FRAS1: variants seen among roughly 807,000 people sequenced by gnomAD.
FRAS1 encodes the protein Fraser extracellular matrix complex subunit 1.
Under a neutral mutation model 435.2 loss-of-function variants are expected in FRAS1, and 290 were observed. The ratio of observed to expected loss-of-function variants is 0.67; its 90% CI spans 0.61 to 0.73. The LOEUF (loss-of-function observed/expected upper bound fraction) is 0.73, where lower values mean the gene tolerates loss of function less well. Among genes scored for constraint, FRAS1 ranks in the 30% least tolerant of loss-of-function variants. The pLI is 0.00. For missense variants in FRAS1, 4,860 were observed against 5,001.5 expected (o/e 0.97, Z 0.85); for synonymous variants, 1,800 against 1,851.0 (o/e 0.97, Z 0.71).
chr4:78,261,358 G>T (rs920779797), intron 6 of FRAS1, among the ~76,000 whole-genome samples: 1 of 151,964 alleles, frequency 6.6e-6, no homozygotes, highest in Non-Finnish European at 1.5e-5. Flanking sequence ...TCAGAAGTCT[G>T]CTGTTTCTCT....
chr4:78,094,783 G>C (rs143226930), intron 2 of FRAS1, among the ~76,000 whole-genome samples: 1 of 152,170 alleles, frequency 6.6e-6, no homozygotes, highest in East Asian at 1.9e-4. Flanking sequence ...TTATACCTTA[G>C]AGCCATATGA....
chr4:78,171,858 G>T (rs981466879), intron 2 of FRAS1, among the ~76,000 whole-genome samples: 1 of 151,920 alleles, frequency 6.6e-6, no homozygotes, highest in African/African-American at 2.4e-5. Flanking sequence ...ATACAGGCTC[G>T]TTGACCCGGC....
chr4:78,491,830 G>C (rs188357754), intron 59 of FRAS1, among the ~76,000 whole-genome samples: 1 of 152,130 alleles, frequency 6.6e-6, no homozygotes, highest in East Asian at 1.9e-4. Context: ...AGAAATAAAC[G>C]TTTATTCAAA....
chr4:78,363,607 G>C lies in FRAS1; in HGVS notation c.2517G>C (p.Gly839=), dbSNP rs1207353572. ...AGAATGCCCACTACCTGCTGCTCGG[G>C]GACCACTGTGTTCCTGACTGCCCTT... ...RCQNAHYLLL[G]DHCVPDCPSG... The change falls in exon 21 of 74, where the codon GGG becomes GGC. Residue 839 remains glycine (G), a synonymous_variant. Coordinates refer to ENST00000512123, the MANE Select transcript of FRAS1 (RefSeq NM_025074.7). 9 of 1,607,838 alleles carry C rather than the reference G, an allele frequency of 5.6e-6. No individual in the cohort carries two copies. The highest frequency in any genetic ancestry group is 7.6e-6 in the Non-Finnish European group (9 of 1,177,256).
chr4:78,260,829 TG>T (rs1726056606), intron 6 of FRAS1, among the ~76,000 whole-genome samples: 1 of 152,242 alleles, frequency 6.6e-6, no homozygotes. Flanking sequence ...AGTATGATAT[TG>T]GTTGTGGATG....
At chr4:78,060,736 G>A (rs1396840903) in intron 1 of FRAS1, among the ~76,000 whole-genome samples, 2 of 152,140 alleles carry the variant, frequency 1.3e-5, no homozygotes, top group South Asian at 2.1e-4. Context: ...GGTACATTAC[G>A]TGATAGCTCT....
intron 2 of FRAS1, among the ~76,000 whole-genome samples, chr4:78,072,711 C>T (rs1364121825): frequency 6.6e-6 from 1 of 152,058 alleles, no homozygotes; most frequent in Non-Finnish European, 1.5e-5. Flanking sequence ...ATTTTTTATG[C>T]CTCTGGTCTT....
chr4:78,156,166 G>C (rs1387865852), intron 2 of FRAS1, among the ~76,000 whole-genome samples: 1 of 152,164 alleles, frequency 6.6e-6, no homozygotes, highest in Non-Finnish European at 1.5e-5. Context: ...GGAGGTGCAA[G>C]ACTCTCTTTT....
rs773491364 is a variant in FRAS1 at position 78,489,055 on chromosome 4, G to T, written c.8933G>T (p.Arg2978Leu). 3.2e-5 allele frequency: 51 copies of T among 1,613,014 alleles called. No homozygotes were observed. In the East Asian group the frequency reaches 1.1e-3, roughly 35 times the overall value. Residue 2978 changes from arginine (R) to leucine (L), a missense_variant, in exon 59 of 74, where the codon CGG becomes CTG. Arg to Leu is a moderately radical substitution (Grantham distance 102). Coordinates refer to ENST00000512123, the MANE Select transcript of FRAS1 (RefSeq NM_025074.7). ...FEERQNADSSRITFLKGDKVK... is the reference protein window; with the variant it reads ...FEERQNADSSLITFLKGDKVK... ...GAGAGACAAAATGCAGACTCTTCAC[G>T]GATTACATTTCTCAAAGGGGACAAA...
Position 78,307,576 on chromosome 4 carries a change from C to T in FRAS1, c.1535-490C>T, listed in dbSNP as rs539673261. Among the ~76,000 whole-genome samples the T allele has an allele frequency of 3.9e-5, 6 of 152,242 alleles. No individual in the cohort carries two copies. In the South Asian group the frequency reaches 6.2e-4, roughly 16 times the overall value. ...CTCCTGGTGCGCCGTTTTTTAAGCC[C>T]GTCGGAAAAGCGCAGTATTCGGGTG... On this transcript the variant is annotated intron_variant, in intron 14 of 73. Transcript: ENST00000512123.
At chr4:78,088,211 A>C (rs2109891781) in intron 2 of FRAS1, among the ~76,000 whole-genome samples, 1 of 152,336 alleles carries the variant, frequency 6.6e-6, no homozygotes, top group South Asian at 2.1e-4. Context: ...ATGCTGGGAA[A>C]ACTGGCTAGC....
intron 2 of FRAS1, among the ~76,000 whole-genome samples, chr4:78,161,222 TA>T (rs1721122859): frequency 6.6e-6 from 1 of 152,226 alleles, no homozygotes; most frequent in Admixed American, 6.5e-5. Context: ...ATAATCACAT[TA>T]TTTTTAATGA....
chr4:78,446,937 G>C, intron 43 of FRAS1, 57 bp downstream of exon 43: 1 of 1,466,076 alleles, frequency 6.8e-7, no homozygotes, highest in African/African-American at 1.4e-5. Flanking sequence ...TGGGCTGTTA[G>C]AATAAACACA....
At chr4:78,506,954 A>G (rs575139059) in intron 61 of FRAS1, among the ~76,000 whole-genome samples, 11 of 152,074 alleles carry the variant, frequency 7.2e-5, no homozygotes, top group Non-Finnish European at 1.5e-4. Context: ...CCATGTTACC[A>G]TCTTTGTGGA....
chr4:78,535,771 A>G (rs557839686), intron 71 of FRAS1, among the ~76,000 whole-genome samples: 44 of 152,334 alleles, frequency 2.9e-4, no homozygotes, highest in African/African-American at 1.0e-3. Context: ...TCTAAGGCCC[A>G]AGTGTGTTAC....
intron 69 of FRAS1, among the ~76,000 whole-genome samples, chr4:78,525,135 T>C (rs1459195086): frequency 2.0e-5 from 3 of 152,150 alleles, no homozygotes; most frequent in Admixed American, 6.5e-5. Context: ...TGGGGCCTTG[T>C]AAACCAGTGT....
At chr4:78,260,875 A>G (rs1033356556) in intron 6 of FRAS1, among the ~76,000 whole-genome samples, 3 of 152,176 alleles carry the variant, frequency 2.0e-5, no homozygotes, top group African/African-American at 7.2e-5. Flanking sequence ...GTCTTTCAGA[A>G]TATTTCTAGG....
chr4:78,109,429 G>A (rs1195868287), intron 2 of FRAS1, among the ~76,000 whole-genome samples: 30 of 151,722 alleles, frequency 2.0e-4, no homozygotes, highest in African/African-American at 5.6e-4. Context: ...TCCCTGGGAT[G>A]CAAGGCTGGT....
At chr4:78,311,683 A>G (rs1287650828) in intron 15 of FRAS1, among the ~76,000 whole-genome samples, 2 of 152,212 alleles carry the variant, frequency 1.3e-5, no homozygotes, top group African/African-American at 4.8e-5. Context: ...CTATATTCCC[A>G]AGCATAAGGG....
Sources: allele counts gnomAD v4.1 joint callset (sites outside exome capture counted in the v4.1 genomes callset), GRCh38; gene constraint gnomAD v4.1.1; transcripts MANE v1.5; gene names NCBI Gene and HGNC (gene_info 2026-07-23, HGNC 2026-07-21).